Variants in AIF1L observed in about 807,000 individuals in gnomAD.
AIF1L encodes the protein allograft inflammatory factor 1 like, also known as allograft inflammatory factor 1-like.
In AIF1L, 12 loss-of-function variants were observed where a neutral mutation model predicts 20.7. The observed-to-expected ratio is 0.58, with a 90% CI of 0.37 to 0.94. AIF1L has a LOEUF of 0.94. AIF1L is among the 40% of genes least tolerant of loss of function. The pLI is 0.01. For synonymous variants in AIF1L, 76 were observed against 65.1 expected, an observed-to-expected ratio of 1.17 and a Z score of -0.81; for missense variants, 173 against 185.3, an observed-to-expected ratio of 0.93 and a Z score of 0.39.
chr9:131,110,901 C>A (rs1023418390), intron 2 of AIF1L, among the ~76,000 whole-genome samples: 5 of 151,866 alleles, frequency 3.3e-5, no homozygotes, highest in Admixed American at 2.0e-4. Flanking sequence ...GTGGCTCACA[C>A]CTGTAATCCC....
Position 131,110,510 on chromosome 9 carries a change from T to C in AIF1L, c.94-1087T>C, listed in dbSNP as rs576467659. On this transcript the variant is annotated intron_variant, in intron 2 of 5. Coordinates refer to ENST00000247291, the MANE Select transcript of AIF1L (RefSeq NM_031426.4). ...CTGGATTTCTTTTTTCTTTTCTTTT[T>C]TTTTTTTTTTTAAGATGGAGTCTCT... Among the ~76,000 whole-genome samples, 162 of 151,386 alleles carry C rather than the reference T, an allele frequency of 1.1e-3. 2 individuals carry two copies. Among genetic ancestry groups the C allele is most frequent in the South Asian group, 6.3e-3 (30 of 4,790 alleles).
intron 4 of AIF1L, among the ~76,000 whole-genome samples, chr9:131,116,533 G>A (rs1176181972): frequency 6.6e-6 from 1 of 152,176 alleles, no homozygotes; most frequent in East Asian, 1.9e-4. Flanking sequence ...CAAAGTGCTG[G>A]GATTACAGGC....
In AIF1L at chr9:131,120,986, G is replaced by A. The variant is rs1462652884; in HGVS notation, c.*664G>A. On this transcript the variant is annotated 3_prime_UTR_variant, in exon 6 of 6. Coordinates refer to ENST00000247291, the MANE Select transcript of AIF1L (RefSeq NM_031426.4). ...AGTCCTGCTCTCTGGCCACACCTGT[G>A]CAGGCAGCTGAGAGGCAGCGTGCAG... The A allele has an allele frequency of 3.3e-6, 2 of 609,146 alleles. No individual in the cohort carries two copies. The highest frequency in any genetic ancestry group is 6.1e-6 in the Non-Finnish European group (2 of 329,162). 37.7% of individuals were successfully genotyped at this position (609,146 alleles called of 1,614,324 possible).
At chr9:131,106,353 G>C in intron 2 of AIF1L, 1 of 997,364 alleles carries the variant, frequency 1.0e-6, no homozygotes, top group East Asian at 2.6e-5. Context: ...CATTCTAGCC[G>C]GGGAGGCAGA....
intron 4 of AIF1L, 78 bp from the exon 5 acceptor site, chr9:131,117,678 T>C (rs2133407879): frequency 6.8e-7 from 1 of 1,471,682 alleles, no homozygotes; most frequent in Non-Finnish European, 9.1e-7. Flanking sequence ...GTGGGGTGCC[T>C]GAGTGGAGCT....
At chr9:131,111,996 A>C in intron 3 of AIF1L, 1 of 314,392 alleles carries the variant, frequency 3.2e-6, no homozygotes, top group Non-Finnish European at 6.0e-6. Context: ...CCCGCACACA[A>C]TCAGCTCTTT....
At chr9:131,099,289 G>A (rs1830589611) in intron 2 of AIF1L, among the ~76,000 whole-genome samples, 1 of 152,172 alleles carries the variant, frequency 6.6e-6, no homozygotes, top group Non-Finnish European at 1.5e-5. Context: ...ATGGGAGCAG[G>A]GATCTCTGCC....
chr9:131,122,694 G>C lies in AIF1L; in HGVS notation c.*2372G>C, dbSNP rs1389174423. On this transcript the variant is annotated 3_prime_UTR_variant, in exon 6 of 6. Transcript: ENST00000247291. ...TGCAGGAATTCTCCTTAAGGGAGGA[G>C]AGCAAGCAGGTGTGGCCCCAGCTTC... 2 of 152,246 alleles carry C rather than the reference G, an allele frequency of 1.3e-5. No individual in the cohort carries two copies. Among genetic ancestry groups the C allele is most frequent in the Non-Finnish European group, 2.9e-5 (2 of 68,090 alleles). 9.4% of individuals were successfully genotyped at this position (152,246 alleles called of 1,614,324 possible). A position where few individuals can be genotyped will look rare whatever the true frequency, so the allele number is the denominator to read the frequency against.
chr9:131,104,278 G>C (rs530036746), intron 2 of AIF1L, among the ~76,000 whole-genome samples: 1 of 152,184 alleles, frequency 6.6e-6, no homozygotes, highest in African/African-American at 2.4e-5. Context: ...TTCTGCAGCC[G>C]GGAAAACTTG....
intron 2 of AIF1L, among the ~76,000 whole-genome samples, chr9:131,103,588 G>C (rs1339823413): frequency 3.9e-5 from 6 of 152,226 alleles, no homozygotes; most frequent in Non-Finnish European, 7.3e-5. Context: ...AGGCTGCAGT[G>C]ATCCTGCAGA....
At chr9:131,102,870 C>T (rs1420376749) in intron 2 of AIF1L, 1 of 456,306 alleles carries the variant, frequency 2.2e-6, no homozygotes, top group East Asian at 6.9e-5. Context: ...CCTGAGCCAC[C>T]AGCCCCTTGG....
Position 131,117,903 on chromosome 9 carries a change from C to A in AIF1L, c.350C>A (p.Ser117Ter), listed in dbSNP as rs772239555. 1.5e-5 allele frequency: 24 copies of A among 1,611,036 alleles called. No individual in the cohort carries two copies. The highest frequency in any genetic ancestry group is 1.9e-5 in the Non-Finnish European group (22 of 1,178,590). ...DFVNMMLGKR[S>*]AVLKLVMMFE... ...GTGAACATGATGCTGGGGAAACGGT[C>A]GGCTGTCCTCAAGTTGTGAGTACCT... Residue 117 changes from serine to a stop codon, truncating the protein, a stop_gained, in exon 5 of 6, where the codon TCG (serine) becomes TAG (stop). Transcript: ENST00000247291. LOFTEE classifies it high-confidence loss of function.
chr9:131,108,607 T>A (rs1002216317), intron 2 of AIF1L, among the ~76,000 whole-genome samples: 2 of 152,232 alleles, frequency 1.3e-5, no homozygotes, highest in African/African-American at 4.8e-5. Context: ...GATAGCACAG[T>A]GTCTGCTACA....
At chr9:131,105,594 C>T (rs1217168056) in intron 2 of AIF1L, among the ~76,000 whole-genome samples, 1 of 152,150 alleles carries the variant, frequency 6.6e-6, no homozygotes, top group Admixed American at 6.5e-5. Flanking sequence ...ATCCGCCTGC[C>T]TTGGCCTCTC....
At chr9:131,097,296 T>C (rs896104315) in intron 2 of AIF1L, among the ~76,000 whole-genome samples, 2 of 152,194 alleles carry the variant, frequency 1.3e-5, no homozygotes, top group Non-Finnish European at 2.9e-5. Context: ...CTCAGCTCAT[T>C]GCAGCCTCCA....
chr9:131,111,902 C>T (rs1830897495), intron 3 of AIF1L: 3 of 544,696 alleles, frequency 5.5e-6, no homozygotes, highest in Admixed American at 3.2e-5. Context: ...CCGGTCCTGG[C>T]CCTGCCCCTC....
At chr9:131,117,384 A>G (rs1831039008) in intron 4 of AIF1L, among the ~76,000 whole-genome samples, 1 of 152,172 alleles carries the variant, frequency 6.6e-6, no homozygotes, top group South Asian at 2.1e-4. Context: ...GCCCACAGTC[A>G]TGGTGTGAAG....
At chr9:131,096,907 G>T (rs1271470292) in intron 2 of AIF1L, 44 bp downstream of exon 2, 1 of 1,493,376 alleles carries the variant, frequency 6.7e-7, no homozygotes, top group Non-Finnish European at 8.9e-7. Context: ...CGAGCCGCGC[G>T]CTGCGCGGGT....
At chr9:131,099,713 G>A (rs1830596516) in intron 2 of AIF1L, among the ~76,000 whole-genome samples, 1 of 151,336 alleles carries the variant, frequency 6.6e-6, no homozygotes, top group South Asian at 2.1e-4. Flanking sequence ...AGAGGGGCAG[G>A]GTAGCTCAGC....
Sources: gnomAD v4.1 joint callset for allele counts (sites outside exome capture counted in the v4.1 genomes callset) on GRCh38, gnomAD v4.1.1 for gene constraint, MANE v1.5 for transcripts, NCBI Gene and HGNC (gene_info 2026-07-23, HGNC 2026-07-21) for gene names.